RARB: variants seen among roughly 807,000 people sequenced by gnomAD.
The protein encoded by RARB is HBV-activated protein.
Under a neutral mutation model 51.9 loss-of-function variants are expected in RARB, and 17 were observed. The ratio of observed to expected loss-of-function variants is 0.33; its 90% CI spans 0.22 to 0.49. The LOEUF (loss-of-function observed/expected upper bound fraction) is 0.49. Among genes scored for constraint, RARB ranks in the 20% least tolerant of loss-of-function variants. The pLI, the probability that RARB is intolerant of heterozygous loss-of-function variation, is 0.99. For missense variants in RARB, 369 were observed against 550.8 expected, an observed-to-expected ratio of 0.67 and a Z score of 3.30; for synonymous variants, 215 against 195.4, an observed-to-expected ratio of 1.10 and a Z score of -0.84.
intron 5 of RARB, among the ~76,000 whole-genome samples, chr3:25,342,894 A>G (rs917521817): frequency 1.3e-5 from 2 of 152,130 alleles, no homozygotes; most frequent in Non-Finnish European, 2.9e-5. Flanking sequence ...AAGATTTGTG[A>G]TGGAGCCCAG....
rs1038411259 is a variant in RARB, at chr3:25,250,882, T to TGTG, written c.178+76312_178+76314dup. 9.9e-5 allele frequency among the ~76,000 whole-genome samples: 15 copies of TGTG among 152,274 alleles called. No homozygotes were observed. In the East Asian group the frequency reaches 2.7e-3, roughly 28 times the overall value. Reference sequence around the variant, plus strand: ...CACAGTGGCTAAGACTGCAGGAGTCTGTGGTGGGAATCTGTAGCAATTGGG... The same window carrying TGTG: ...CACAGTGGCTAAGACTGCAGGAGTCTGTGGTGGTGGGAATCTGTAGCAATTGGG... On this transcript the variant is annotated intron_variant, in intron 5 of 11. Transcript: ENST00000383772.
At chr3:25,347,709 C>A (rs1412543293) in intron 5 of RARB, among the ~76,000 whole-genome samples, 1 of 152,120 alleles carries the variant, frequency 6.6e-6, no homozygotes, top group African/African-American at 2.4e-5. Flanking sequence ...TAAATCCATA[C>A]CAGTTTTCAG....
intron 1 of RARB, among the ~76,000 whole-genome samples, chr3:25,433,037 A>T (rs531154699): frequency 6.6e-6 from 1 of 152,332 alleles, no homozygotes; most frequent in Non-Finnish European, 1.5e-5. Context: ...AAATGTTCTA[A>T]TATAAATTCA....
Position 25,174,497 on chromosome 3 carries a change from G to A in RARB, c.100G>A (p.Gly34Arg), listed in dbSNP as rs371047121. ...CCCGTTACTCTTTCCACCTGTCATCGGAGGACTTTCCCTGCCTCCCCTCCA... is the reference window on the plus strand; with the variant it reads ...CCCGTTACTCTTTCCACCTGTCATCAGAGGACTTTCCCTGCCTCCCCTCCA... The change falls in exon 5 of 12, where the codon GGA becomes AGA. Residue 34 changes from glycine (G) to arginine (R), a missense_variant. By Grantham distance (125) the Gly-to-Arg change is moderately radical. Coordinates refer to the RARB transcript ENST00000383772. 95 of 1,352,072 alleles carry A rather than the reference G, an allele frequency of 7.0e-5. No individual in the cohort carries two copies. The African/African-American group carries it at 1.0e-3, about 15-fold the overall frequency. The allele number at this position is 1,352,072 out of a possible 1,614,324, so 83.8% of individuals were successfully genotyped here. A position where few individuals can be genotyped will look rare whatever the true frequency, so the allele number is the denominator to read the frequency against.
intron 3 of RARB, among the ~76,000 whole-genome samples, chr3:25,070,906 T>C (rs913757665): frequency 2.0e-5 from 3 of 152,138 alleles, no homozygotes; most frequent in African/African-American, 7.2e-5. Flanking sequence ...TTAGGGAGGA[T>C]CCAGGTATTG....
intron 2 of RARB, among the ~76,000 whole-genome samples, chr3:24,979,320 T>C (rs1696587496): frequency 6.6e-6 from 1 of 152,192 alleles, no homozygotes; most frequent in African/African-American, 2.4e-5. Context: ...TAATTTTCTG[T>C]CTCACAGTTG....
rs115134329 is a variant in RARB, at chr3:25,309,254, C to A, written c.178+134679C>A. Among the ~76,000 whole-genome samples the A allele has an allele frequency of 2.6e-3, 395 of 149,630 alleles. 3 individuals carry two copies. Among genetic ancestry groups the A allele is most frequent in the African/African-American group, 9.2e-3 (374 of 40,658 alleles). ...CTCCCAGGTTCACGCCATTCTCCTG[C>A]CTCAGCCTCAACTGAGACTACAGGC... On this transcript the variant is annotated intron_variant, in intron 5 of 11. Transcript: ENST00000383772.
intron 1 of RARB, among the ~76,000 whole-genome samples, chr3:24,853,827 T>C (rs1430672900): frequency 6.6e-6 from 1 of 152,150 alleles, no homozygotes; most frequent in East Asian, 1.9e-4. Context: ...AATTTAATAT[T>C]CCCCCAGAAA....
chr3:25,538,067 C>G (rs1027790155), intron 3 of RARB, among the ~76,000 whole-genome samples: 21 of 152,032 alleles, frequency 1.4e-4, no homozygotes, highest in African/African-American at 4.8e-4. Flanking sequence ...GATTTAAAAT[C>G]AACAATGAAA....
At chr3:25,001,627 C>T (rs1697162660) in intron 2 of RARB, among the ~76,000 whole-genome samples, 1 of 152,146 alleles carries the variant, frequency 6.6e-6, no homozygotes, top group African/African-American at 2.4e-5. Context: ...TTCTAACATG[C>T]TCCTTGTTCC....
intron 5 of RARB, among the ~76,000 whole-genome samples, chr3:25,356,088 G>T: frequency 6.6e-6 from 1 of 152,100 alleles, no homozygotes; most frequent in Middle Eastern, 3.2e-3. Flanking sequence ...TCTATTTCTT[G>T]CTGGTATTCT....
At chr3:25,359,091 CT>C (rs1705842305) in intron 5 of RARB, among the ~76,000 whole-genome samples, 1 of 152,092 alleles carries the variant, frequency 6.6e-6, no homozygotes, top group African/African-American at 2.4e-5. Flanking sequence ...TAGAATTTAG[CT>C]GTGAATCCAT....
Position 25,285,832 on chromosome 3 carries a change from T to C in RARB, c.178+111257T>C, listed in dbSNP as rs991708494. Among the ~76,000 whole-genome samples, 3 of 152,258 alleles carry C rather than the reference T, an allele frequency of 2.0e-5. 1 individual carries two copies. The highest frequency in any genetic ancestry group is 6.5e-5 in the Admixed American group (1 of 15,292). On this transcript the variant is annotated intron_variant, in intron 5 of 11. Transcript: ENST00000383772. ...GTACAATATGTTCCATTTTAGACAA[T>C]TGAGCATGCTACTTGGCTTTCTCTT...
At chr3:25,209,775 C>G (rs575277436) in intron 5 of RARB, among the ~76,000 whole-genome samples, 1 of 152,266 alleles carries the variant, frequency 6.6e-6, no homozygotes, top group Non-Finnish European at 1.5e-5. Context: ...CAGTCCTATT[C>G]AACTGAAAAC....
intron 2 of RARB, among the ~76,000 whole-genome samples, chr3:25,035,009 C>A (rs1697954868): frequency 6.6e-6 from 1 of 152,186 alleles, no homozygotes; most frequent in Admixed American, 6.5e-5. Flanking sequence ...TATCATTCCA[C>A]ATGTGATATG....
In RARB at chr3:25,207,853, T is replaced by C. The variant is rs1196361413; in HGVS notation, c.178+33278T>C. Among the ~76,000 whole-genome samples the C allele has an allele frequency of 2.6e-5, 4 of 152,218 alleles. No individual in the cohort carries two copies. In the South Asian group the frequency reaches 6.2e-4, roughly 24 times the overall value. On this transcript the variant is annotated intron_variant, in intron 5 of 11. Transcript: ENST00000383772. ...GGAACAACTGAAACTAGGTAATTTA[T>C]AGAGAAAAGAGATTTAATTGGCTCA...
chr3:25,077,984 C>T (rs984369372), intron 3 of RARB, among the ~76,000 whole-genome samples: 3 of 151,940 alleles, frequency 2.0e-5, no homozygotes, highest in African/African-American at 7.2e-5. Flanking sequence ...CACATTTCTT[C>T]TTTTCTGAAA....
chr3:25,585,308 A>T (rs1701341389), intron 5 of RARB, among the ~76,000 whole-genome samples: 1 of 152,158 alleles, frequency 6.6e-6, no homozygotes, highest in South Asian at 2.1e-4. Flanking sequence ...CACATTTTGC[A>T]GGTGAGGCAG....
chr3:25,364,735 A>C (rs1706058356), intron 5 of RARB, among the ~76,000 whole-genome samples: 1 of 152,236 alleles, frequency 6.6e-6, no homozygotes, highest in South Asian at 2.1e-4. Context: ...AACCATATCC[A>C]GTAATTTTGT....
Sources: gnomAD v4.1 joint callset for allele counts (sites outside exome capture counted in the v4.1 genomes callset) on GRCh38, gnomAD v4.1.1 for gene constraint, MANE v1.5 for transcripts, NCBI Gene and HGNC (gene_info 2026-07-23, HGNC 2026-07-21) for gene names.